The following GRID2 variants were observed in gnomAD, a reference collection of about 807,000 sequenced individuals.
The protein encoded by GRID2 is glutamate receptor ionotropic, delta-2.
Under a neutral mutation model 114.8 loss-of-function variants are expected in GRID2, and 33 were observed. The ratio of observed to expected loss-of-function variants is 0.29; its 90% CI spans 0.22 to 0.38. The LOEUF (loss-of-function observed/expected upper bound fraction) is 0.38. Ranked by LOEUF, GRID2 falls within the 10% of genes least tolerant of loss-of-function variation. GRID2 has a pLI of 1.00. For missense variants in GRID2, 1,184 were observed against 1,257.7 expected, an observed-to-expected ratio of 0.94 and a Z score of 0.89; for synonymous variants, 505 against 449.9, an observed-to-expected ratio of 1.12 and a Z score of -1.55.
intron 3 of GRID2, 138 bp downstream of exon 3, chr4:93,085,417 A>G (rs1339267122): frequency 2.9e-6 from 2 of 694,894 alleles, no homozygotes; most frequent in African/African-American, 3.6e-5. Flanking sequence ...TCTTATAAAC[A>G]TAGCAACAAC....
At chr4:93,040,027 T>C (rs935847597) in intron 2 of GRID2, among the ~76,000 whole-genome samples, 1 of 152,196 alleles carries the variant, frequency 6.6e-6, no homozygotes, top group Non-Finnish European at 1.5e-5. Context: ...TCCCAAGTTA[T>C]TTTGGACCTT....
At chr4:93,707,882 T>C (rs997830944) in intron 14 of GRID2, among the ~76,000 whole-genome samples, 2 of 151,966 alleles carry the variant, frequency 1.3e-5, no homozygotes, top group African/African-American at 4.8e-5. Context: ...TTTTGGTATG[T>C]TTTGTTTCCA....
At chr4:92,843,622 T>A (rs1250447974) in intron 2 of GRID2, among the ~76,000 whole-genome samples, 1 of 152,168 alleles carries the variant, frequency 6.6e-6, no homozygotes, top group African/African-American at 2.4e-5. Flanking sequence ...CAAATCTATT[T>A]TATGTTATCT....
intron 2 of GRID2, among the ~76,000 whole-genome samples, chr4:92,603,156 C>T (rs1195015735): frequency 6.6e-6 from 1 of 152,080 alleles, no homozygotes; most frequent in South Asian, 2.1e-4. Flanking sequence ...ATGCTATTCC[C>T]ATTAAACTAC....
intron 2 of GRID2, among the ~76,000 whole-genome samples, chr4:92,947,686 GGTGTATATGGGTTGTGTGTGTGC>G (rs1751738362): frequency 6.6e-6 from 1 of 151,610 alleles, no homozygotes; most frequent in Non-Finnish European, 1.5e-5. Context: ...AGTCTTCAGA[GGTGTATATGGGTTGTGTGTGTGC>G]GTGTATATGT....
intron 1 of GRID2, among the ~76,000 whole-genome samples, chr4:92,371,126 G>A (rs1488178699): frequency 6.6e-6 from 1 of 152,116 alleles, no homozygotes; most frequent in Admixed American, 6.6e-5. Context: ...AAACTTAGAA[G>A]CTAGCAGAGG....
chr4:92,970,234 C>A (rs1753416876), intron 2 of GRID2, among the ~76,000 whole-genome samples: 1 of 151,834 alleles, frequency 6.6e-6, no homozygotes, highest in Non-Finnish European at 1.5e-5. Flanking sequence ...TCATTTAACA[C>A]AAATTATCGT....
chr4:93,455,340 A>G (rs1723077400), intron 10 of GRID2, among the ~76,000 whole-genome samples: 1 of 152,086 alleles, frequency 6.6e-6, no homozygotes, highest in South Asian at 2.1e-4. Context: ...ACTGTTAATG[A>G]TTGCTTTGAT....
chr4:92,698,348 TA>T (rs1734519174), intron 2 of GRID2, among the ~76,000 whole-genome samples: 1 of 152,162 alleles, frequency 6.6e-6, no homozygotes, highest in African/African-American at 2.4e-5. Flanking sequence ...TTATTTGTTG[TA>T]AAAGTGTTTA....
intron 13 of GRID2, among the ~76,000 whole-genome samples, chr4:93,586,985 T>C (rs1453706661): frequency 6.6e-6 from 1 of 152,140 alleles, no homozygotes; most frequent in Admixed American, 6.6e-5. Context: ...TTATACATCC[T>C]CCACACAGCC....
chr4:93,279,910 T>C (rs1752476097), intron 8 of GRID2, among the ~76,000 whole-genome samples: 1 of 151,980 alleles, frequency 6.6e-6, no homozygotes, highest in Non-Finnish European at 1.5e-5. Context: ...AAGGGCATTG[T>C]ATGCGAAACT....
chr4:93,164,655 C>T (rs907052467), intron 4 of GRID2: 4 of 348,846 alleles, frequency 1.1e-5, no homozygotes, highest in African/African-American at 4.2e-5. Flanking sequence ...ATGAAAATAC[C>T]GGTTATCCTT....
intron 2 of GRID2, among the ~76,000 whole-genome samples, chr4:92,738,632 A>G (rs1225293503): frequency 3.3e-5 from 5 of 152,000 alleles, no homozygotes; most frequent in Admixed American, 2.0e-4. Flanking sequence ...ACTTGTTGAC[A>G]TTACCCTCTG....
At chr4:93,755,913 A>G (rs940182385) in intron 14 of GRID2, among the ~76,000 whole-genome samples, 3 of 152,164 alleles carry the variant, frequency 2.0e-5, no homozygotes, top group African/African-American at 7.2e-5. Context: ...ATCTTTATTA[A>G]CTTATTATGT....
intron 2 of GRID2, among the ~76,000 whole-genome samples, chr4:92,938,165 G>C (rs1484762078): frequency 6.8e-6 from 1 of 146,214 alleles, no homozygotes; most frequent in Admixed American, 7.5e-5. Flanking sequence ...TTTGTATGTT[G>C]AACCACCCTG....
intron 1 of GRID2, among the ~76,000 whole-genome samples, chr4:92,314,445 G>T (rs937980811): frequency 7.2e-5 from 11 of 152,008 alleles, no homozygotes; most frequent in African/African-American, 2.7e-4. Flanking sequence ...TTATGAATTT[G>T]ATTTGCTTCA....
chr4:92,608,170 C>G (rs1729550691), intron 2 of GRID2, among the ~76,000 whole-genome samples: 1 of 151,774 alleles, frequency 6.6e-6, no homozygotes, highest in Non-Finnish European at 1.5e-5. Flanking sequence ...AGGACAGAAA[C>G]AGTAACTTTT....
chr4:92,846,789 G>A (rs1743357328), intron 2 of GRID2, among the ~76,000 whole-genome samples: 1 of 152,030 alleles, frequency 6.6e-6, no homozygotes, highest in South Asian at 2.1e-4. Context: ...AAAAATACTT[G>A]AAACAAAGAG....
At chr4:92,488,835 G>A (rs1224158489) in intron 1 of GRID2, among the ~76,000 whole-genome samples, 1 of 152,078 alleles carries the variant, frequency 6.6e-6, no homozygotes, top group Non-Finnish European at 1.5e-5. Flanking sequence ...CAAAAATAAA[G>A]GCAAGGTTTG....
Sources: allele counts gnomAD v4.1 joint callset (sites outside exome capture counted in the v4.1 genomes callset), GRCh38; gene constraint gnomAD v4.1.1; transcripts MANE v1.5; gene names NCBI Gene and HGNC (gene_info 2026-07-23, HGNC 2026-07-21).